ARMC9: variants seen among roughly 807,000 people sequenced by gnomAD.
The protein encoded by ARMC9 is armadillo repeat containing 9.
ARMC9 carries 94 observed loss-of-function variants against 107.0 expected under a neutral mutation model. That is an observed-to-expected ratio of 0.88 (90% confidence interval 0.74 to 1.04). ARMC9 has a LOEUF of 1.04. Among genes scored for constraint, ARMC9 ranks in the 50% least tolerant of loss-of-function variants. The pLI is 0.00. For synonymous variants in ARMC9, 380 were observed against 396.9 expected (o/e 0.96, Z 0.51); for missense variants, 942 against 1,030.1 (o/e 0.91, Z 1.17).
intron 24 of ARMC9, 32 bp downstream of exon 24, chr2:231,370,157 G>T: frequency 6.8e-7 from 1 of 1,479,034 alleles, no homozygotes; most frequent in Non-Finnish European, 9.0e-7. Flanking sequence ...TGGCGTGGGA[G>T]CCTGGCCACC....
intron 3 of ARMC9, among the ~76,000 whole-genome samples, chr2:231,212,235 A>T (rs1383035246): frequency 6.6e-6 from 1 of 152,192 alleles, no homozygotes; most frequent in African/African-American, 2.4e-5. Context: ...TGCTTTGATC[A>T]TGGTTTATAG....
chr2:231,305,895 C>A (rs2042011454), intron 19 of ARMC9, among the ~76,000 whole-genome samples: 1 of 152,112 alleles, frequency 6.6e-6, no homozygotes, highest in Non-Finnish European at 1.5e-5. Context: ...TAAATAAACT[C>A]ATCACTCATC....
chr2:231,352,169 GT>G (rs2045110238), intron 21 of ARMC9, among the ~76,000 whole-genome samples: 1 of 151,872 alleles, frequency 6.6e-6, no homozygotes, highest in South Asian at 2.1e-4. Context: ...GTCTCACTAT[GT>G]TGCCTAGTCT....
intron 7 of ARMC9, among the ~76,000 whole-genome samples, chr2:231,232,216 G>A (rs754975225): frequency 6.6e-5 from 10 of 151,416 alleles, no homozygotes; most frequent in East Asian, 3.9e-4. Flanking sequence ...TGTAGAGATG[G>A]GGTTTCACTA....
intron 17 of ARMC9, 123 bp from the exon 18 acceptor site, chr2:231,291,230 C>T: frequency 1.4e-6 from 1 of 719,762 alleles, no homozygotes. Context: ...CTGTCCCCCA[C>T]CCAAGGTATC....
chr2:231,258,918 A>G (rs2038087393), intron 10 of ARMC9, 73 bp from the exon 11 acceptor site: 3 of 1,344,138 alleles, frequency 2.2e-6, no homozygotes, highest in Admixed American at 3.5e-5. Context: ...CTTGGGTGTC[A>G]TAATGCTCAG....
chr2:231,322,274 GC>G (rs1355548045), intron 19 of ARMC9, among the ~76,000 whole-genome samples: 1 of 152,228 alleles, frequency 6.6e-6, no homozygotes, highest in Non-Finnish European at 1.5e-5. Context: ...GGAAGTCAGC[GC>G]CTCACGCTGC....
At chr2:231,371,458 G>T (rs2125601584) in intron 24 of ARMC9, 55 bp from the exon 25 acceptor site, 3 of 1,296,870 alleles carry the variant, frequency 2.3e-6, no homozygotes, top group Non-Finnish European at 2.9e-6. Context: ...GGACAGAGGG[G>T]ATTCTGTGCG....
At position 231,309,615 on chromosome 2, in the gene ARMC9, A is replaced by G. The variant is rs376320692; in HGVS notation, c.1773+13362A>G. On this transcript the variant is annotated intron_variant, in intron 19 of 24. Transcript: ENST00000611582. ...AAATATGACTGGAGAAAAAATGTGT[A>G]TGGCCTGCTGTTCCTTGCAACTTCA... Among the ~76,000 whole-genome samples, 5 of 152,292 alleles carry G rather than the reference A, an allele frequency of 3.3e-5. No individual in the cohort carries two copies. The East Asian group carries it at 7.7e-4, about 23-fold the overall frequency.
chr2:231,293,468 C>T (rs2041160721), intron 18 of ARMC9, among the ~76,000 whole-genome samples: 1 of 152,202 alleles, frequency 6.6e-6, no homozygotes, highest in Non-Finnish European at 1.5e-5. Flanking sequence ...CATCTGTCTC[C>T]TTGTCTTCCC....
chr2:231,349,849 ATTGTACATTTTAAAATAACT>A (rs2044981233), intron 21 of ARMC9, among the ~76,000 whole-genome samples: 2 of 152,134 alleles, frequency 1.3e-5, no homozygotes, highest in Non-Finnish European at 2.9e-5. Context: ...TAATAATTTA[ATTGTACATTTTAAAATAACT>A]AAAAGAGTAT....
intron 19 of ARMC9, among the ~76,000 whole-genome samples, chr2:231,310,465 T>A (rs2042279013): frequency 7.0e-6 from 1 of 142,060 alleles, no homozygotes; most frequent in Admixed American, 7.1e-5. Context: ...GTGCAATGGC[T>A]CACGCCTGTA....
intron 12 of ARMC9, chr2:231,270,741 T>C (rs2039252555): frequency 1.6e-6 from 1 of 640,934 alleles, no homozygotes; most frequent in African/African-American, 1.8e-5. Context: ...CCAGTCACTG[T>C]TCTGAGGGCT....
rs1187372643 is a variant in ARMC9 at position 231,360,045 on chromosome 2, GT to G, written c.2132-708del. Among the ~76,000 whole-genome samples, 2 of 152,238 alleles carry G rather than the reference GT, an allele frequency of 1.3e-5. No individual in the cohort carries two copies. Among genetic ancestry groups the G allele is most frequent in the African/African-American group, 4.8e-5 (2 of 41,468 alleles). On this transcript the variant is annotated intron_variant, in intron 22 of 24. Coordinates refer to ENST00000611582, the MANE Select transcript of ARMC9 (RefSeq NM_001352754.2). The surrounding 1 kb of genome is among the most constrained non-coding windows in gnomAD (Gnocchi z 4.7). ...AGCAGTGACATGGACCCCTTCAGCTGTAGGAGAAGAGGAGAGGCGGGGTGGG... is the reference window on the plus strand; with the variant it reads ...AGCAGTGACATGGACCCCTTCAGCTGAGGAGAAGAGGAGAGGCGGGGTGGG...
chr2:231,320,818 T>C (rs1169027062), intron 19 of ARMC9, among the ~76,000 whole-genome samples: 2 of 152,220 alleles, frequency 1.3e-5, no homozygotes, highest in Admixed American at 1.3e-4. Context: ...CAGCATGCTC[T>C]TCCTGTCCTT....
At chr2:231,288,981 G>C (rs1400945083) in intron 17 of ARMC9, among the ~76,000 whole-genome samples, 2 of 152,168 alleles carry the variant, frequency 1.3e-5, no homozygotes, top group Non-Finnish European at 2.9e-5. Flanking sequence ...CACACTGCTT[G>C]TATTCCCATT....
chr2:231,291,600 G>A (rs1340071625), intron 18 of ARMC9, among the ~76,000 whole-genome samples, 157 bp downstream of exon 18: 1 of 151,910 alleles, frequency 6.6e-6, no homozygotes, highest in South Asian at 2.1e-4. Flanking sequence ...GGTGGATCAC[G>A]AGGTCAGGAG....
rs576455549 is a variant in ARMC9, at chr2:231,309,118, C to T, written c.1773+12865C>T. Among the ~76,000 whole-genome samples, 5 of 152,334 alleles carry T rather than the reference C, an allele frequency of 3.3e-5. No individual in the cohort carries two copies. In the South Asian group the frequency reaches 1.0e-3, roughly 32 times the overall value. Reference sequence around the variant, plus strand: ...TTTCAGCTTCTAAATTCGTTTATTTCTGCAACACTGCTCGTGTGCTCTCAG... The same window carrying T: ...TTTCAGCTTCTAAATTCGTTTATTTTTGCAACACTGCTCGTGTGCTCTCAG... On this transcript the variant is annotated intron_variant, in intron 19 of 24. Coordinates refer to ENST00000611582, the MANE Select transcript of ARMC9 (RefSeq NM_001352754.2).
intron 17 of ARMC9, among the ~76,000 whole-genome samples, chr2:231,283,869 A>T (rs1476053403): frequency 6.6e-6 from 1 of 152,148 alleles, no homozygotes; most frequent in Non-Finnish European, 1.5e-5. Flanking sequence ...AGTAGCTGGG[A>T]CTATAGGTGT....
Sources: gnomAD v4.1 joint callset for allele counts (sites outside exome capture counted in the v4.1 genomes callset) on GRCh38, gnomAD v4.1.1 for gene constraint, Gnocchi (gnomAD v3.1) non-coding constraint, MANE v1.5 for transcripts, NCBI Gene and HGNC (gene_info 2026-07-23, HGNC 2026-07-21) for gene names.